Variants in ETFA observed in about 807,000 individuals in gnomAD.
The protein encoded by ETFA is electron transfer flavoprotein subunit alpha.
ETFA carries 22 observed loss-of-function variants against 46.2 expected under a neutral mutation model. The observed-to-expected ratio is 0.48, with a 90% CI of 0.34 to 0.68. The LOEUF (loss-of-function observed/expected upper bound fraction) is 0.68, where lower values mean the gene tolerates loss of function less well. Ranked by LOEUF, ETFA falls within the 30% of genes least tolerant of loss-of-function variation. The probability of loss-of-function intolerance (pLI) is 0.01; values close to 1 mark genes in which losing one functional copy is unlikely to be tolerated. For missense variants in ETFA, 345 were observed against 401.1 expected, an observed-to-expected ratio of 0.86 and a Z score of 1.19; for synonymous variants, 131 against 139.9, an observed-to-expected ratio of 0.94 and a Z score of 0.45.
At chr15:76,273,986 A>C (rs1476957689) in intron 9 of ETFA, 1 of 192,798 alleles carries the variant, frequency 5.2e-6, no homozygotes, top group Non-Finnish European at 1.1e-5. Flanking sequence ...GGAAGATATA[A>C]GACTAAAACT....
intron 9 of ETFA, chr15:76,261,171 C>T: frequency 6.5e-7 from 1 of 1,534,370 alleles, no homozygotes; most frequent in Non-Finnish European, 9.0e-7. Context: ...GTCCCCCGAT[C>T]TTCGTAGTTC....
intron 9 of ETFA, among the ~76,000 whole-genome samples, chr15:76,262,474 CTTTTT>C (rs60480510): frequency 1.1e-4 from 9 of 84,688 alleles, no homozygotes; most frequent in South Asian, 5.6e-4. Context: ...ATCAAACCCC[CTTTTT>C]TTTTTTTTTT....
chr15:76,237,242 G>A (rs753146799), intron 9 of ETFA, among the ~76,000 whole-genome samples: 1 of 152,126 alleles, frequency 6.6e-6, no homozygotes, highest in Admixed American at 6.6e-5. Flanking sequence ...TAGTAGAGAT[G>A]GGGTTTTGCC....
At chr15:76,246,205 CAGTATGA>C (rs1167142067) in intron 9 of ETFA, among the ~76,000 whole-genome samples, 1 of 152,094 alleles carries the variant, frequency 6.6e-6, no homozygotes, top group Non-Finnish European at 1.5e-5. Flanking sequence ...TTTAATACTA[CAGTATGA>C]AGTATGAATT....
At chr15:76,231,044 C>T in intron 10 of ETFA, 1 of 353,868 alleles carries the variant, frequency 2.8e-6, no homozygotes, top group Middle Eastern at 8.3e-4. Flanking sequence ...CATTCAATAC[C>T]CACTATTTAG....
chr15:76,260,617 A>G (rs79823946), intron 9 of ETFA: 335,476 of 1,508,940 alleles, frequency 0.22, 381 homozygotes, highest in Non-Finnish European at 0.25. Context: ...CCATTGTCTT[A>G]AACCCAGGAC....
intron 9 of ETFA, among the ~76,000 whole-genome samples, chr15:76,266,881 G>A (rs763509496): frequency 6.6e-6 from 1 of 151,160 alleles, no homozygotes; most frequent in Non-Finnish European, 1.5e-5. Context: ...TCCAGCCTGG[G>A]CGACAAAGCG....
intron 8 of ETFA, among the ~76,000 whole-genome samples, chr15:76,275,483 T>C (rs1470206649): frequency 2.0e-5 from 3 of 152,198 alleles, no homozygotes; most frequent in Non-Finnish European, 4.4e-5. Flanking sequence ...TATATGTATA[T>C]GTATTTTTAT....
At chr15:76,297,095 C>G (rs2039832550) in intron 1 of ETFA, among the ~76,000 whole-genome samples, 1 of 152,132 alleles carries the variant, frequency 6.6e-6, no homozygotes, top group Non-Finnish European at 1.5e-5. Context: ...ACCTTAAGCT[C>G]TGGAGCTGGA....
chr15:76,307,260 G>T (rs2460157), intron 1 of ETFA, among the ~76,000 whole-genome samples: 149,056 of 152,310 alleles, frequency 0.98, 73,013 homozygotes, highest in South Asian at 1. Flanking sequence ...CTACCTATTT[G>T]CCTCTTGGTG....
At chr15:76,302,382 T>TG (rs2039888023) in intron 1 of ETFA, among the ~76,000 whole-genome samples, 1 of 36,976 alleles carries the variant, frequency 2.7e-5, no homozygotes, top group Admixed American at 3.5e-4. Flanking sequence ...TATTACTTAG[T>TG]GAAAAAAAAA....
Position 76,292,385 on chromosome 15 carries a change from C to T in ETFA, c.351+46G>A, listed in dbSNP as rs1253820203. 3 of 1,261,018 alleles carry T rather than the reference C, an allele frequency of 2.4e-6. No individual in the cohort carries two copies. In the African/African-American group the frequency reaches 4.4e-5, roughly 19 times the overall value. 78.1% of individuals were successfully genotyped at this position (1,261,018 alleles called of 1,614,324 possible). ...ATACTTTCAGCACAATGAAATCTAA[C>T]CCTTTCAAGCAGTGATATCAGATTC... is the stretch of plus-strand genomic sequence containing the variant. On this transcript the variant is annotated intron_variant, in intron 4 of 11. Transcript: ENST00000557943.
At chr15:76,229,595 A>G (rs1260252699) in intron 10 of ETFA, among the ~76,000 whole-genome samples, 1 of 152,122 alleles carries the variant, frequency 6.6e-6, no homozygotes, top group Non-Finnish European at 1.5e-5. Flanking sequence ...CTGGTGTTGG[A>G]GTTTCTTTCT....
intron 9 of ETFA, among the ~76,000 whole-genome samples, chr15:76,256,064 C>A (rs1473283142): frequency 6.6e-6 from 1 of 151,580 alleles, no homozygotes; most frequent in Non-Finnish European, 1.5e-5. Flanking sequence ...TTGAGATCAG[C>A]CTGGCCAACA....
intron 1 of ETFA, among the ~76,000 whole-genome samples, chr15:76,306,453 G>A (rs993271293): frequency 3.3e-5 from 5 of 151,604 alleles, no homozygotes; most frequent in African/African-American, 4.8e-5. Flanking sequence ...TTTTAGTAGA[G>A]ACGGGTTTCA....
At chr15:76,297,802 CTA>C (rs1275725796) in intron 1 of ETFA, among the ~76,000 whole-genome samples, 15 of 152,162 alleles carry the variant, frequency 9.9e-5, no homozygotes, top group Non-Finnish European at 1.8e-4. Context: ...TAAAGGTACT[CTA>C]TTTTATTGAC....
intron 11 of ETFA, among the ~76,000 whole-genome samples, chr15:76,223,627 C>A (rs1353334950): frequency 6.6e-6 from 1 of 152,180 alleles, no homozygotes; most frequent in African/African-American, 2.4e-5. Flanking sequence ...TCTCTCTAGT[C>A]CAATGTGGGC....
intron 10 of ETFA, chr15:76,227,599 C>G (rs375750804): frequency 1.6e-5 from 5 of 318,898 alleles, no homozygotes; most frequent in African/African-American, 4.4e-5. Flanking sequence ...GTTTGGTATT[C>G]CCCACAGATG....
At chr15:76,231,718 T>G (rs111591775) in intron 9 of ETFA, among the ~76,000 whole-genome samples, 5,958 of 152,190 alleles carry the variant, frequency 0.039, 356 homozygotes, top group African/African-American at 0.13. Context: ...GAGGTAGCAT[T>G]TTTCATCTGT....
Sources: allele counts gnomAD v4.1 joint callset (sites outside exome capture counted in the v4.1 genomes callset), GRCh38; gene constraint gnomAD v4.1.1; transcripts MANE v1.5; gene names NCBI Gene and HGNC (gene_info 2026-07-23, HGNC 2026-07-21).